GPR39: variants seen among roughly 807,000 people sequenced by gnomAD.
GPR39 encodes G protein-coupled receptor 39.
A neutral mutation model predicts 18.4 loss-of-function variants in GPR39; 23 were observed. The observed-to-expected ratio is 1.25, with a 90% CI of 0.90 to 1.77. GPR39 has a LOEUF of 1.77. Among genes scored for constraint, GPR39 ranks in the 40% most tolerant of loss-of-function variants. The pLI is 0.00. For synonymous variants in GPR39, 280 were observed against 257.9 expected (o/e 1.09, Z -0.82); for missense variants, 647 against 602.4 (o/e 1.07, Z -0.78).
intron 1 of GPR39, among the ~76,000 whole-genome samples, chr2:132,473,307 T>G (rs1016182328): frequency 2.0e-5 from 3 of 152,190 alleles, no homozygotes; most frequent in African/African-American, 4.8e-5. Context: ...GGCATTTATC[T>G]CCCACCTTCC....
chr2:132,422,886 G>T (rs530138932), intron 1 of GPR39, among the ~76,000 whole-genome samples: 62 of 151,960 alleles, frequency 4.1e-4, no homozygotes, highest in Non-Finnish European at 5.7e-4. Flanking sequence ...TTATTAGCAA[G>T]CCTGTTCATC....
intron 1 of GPR39, among the ~76,000 whole-genome samples, chr2:132,629,095 G>A (rs1573707456): frequency 6.6e-6 from 1 of 152,246 alleles, no homozygotes; most frequent in African/African-American, 2.4e-5. Flanking sequence ...GTCTTGGGCA[G>A]AGACATGGAG....
At chr2:132,527,788 T>A (rs1385064758) in intron 1 of GPR39, among the ~76,000 whole-genome samples, 2 of 152,178 alleles carry the variant, frequency 1.3e-5, no homozygotes, top group Non-Finnish European at 2.9e-5. Context: ...ATGGGGTTGT[T>A]TTTTTTCTTG....
chr2:132,465,511 T>G (rs1265661548), intron 1 of GPR39, among the ~76,000 whole-genome samples: 1 of 152,224 alleles, frequency 6.6e-6, no homozygotes, highest in Non-Finnish European at 1.5e-5. Context: ...TCACAGCCAT[T>G]ACTGTTTCCT....
chr2:132,623,338 G>C (rs535962383), intron 1 of GPR39, among the ~76,000 whole-genome samples: 1 of 152,176 alleles, frequency 6.6e-6, no homozygotes, highest in Non-Finnish European at 1.5e-5. Context: ...TGGACTCCAC[G>C]CTCCTGATAC....
intron 1 of GPR39, among the ~76,000 whole-genome samples, chr2:132,590,818 CGTGTGTGTGT>C (rs3066458): frequency 9.0e-5 from 13 of 143,900 alleles, no homozygotes; most frequent in Non-Finnish European, 1.2e-4. Context: ...AAGTATTGTT[CGTGTGTGTGT>C]GTGTGTGTGT....
At chr2:132,491,110 C>CA (rs1681452461) in intron 1 of GPR39, among the ~76,000 whole-genome samples, 1 of 152,036 alleles carries the variant, frequency 6.6e-6, no homozygotes, top group Non-Finnish European at 1.5e-5. Context: ...AGGATTTTTT[C>CA]AAAACAGCAA....
chr2:132,447,848 A>G (rs1000750908), intron 1 of GPR39, among the ~76,000 whole-genome samples: 3 of 152,186 alleles, frequency 2.0e-5, no homozygotes, highest in Non-Finnish European at 4.4e-5. Context: ...TGACTCTCCA[A>G]ATATCACCAG....
At chr2:132,432,088 A>T (rs1356956872) in intron 1 of GPR39, among the ~76,000 whole-genome samples, 1 of 152,088 alleles carries the variant, frequency 6.6e-6, no homozygotes, top group Non-Finnish European at 1.5e-5. Flanking sequence ...TCTTCAAGTC[A>T]TCTTCTTGTT....
intron 1 of GPR39, among the ~76,000 whole-genome samples, chr2:132,553,924 C>T (rs1558837470): frequency 1.3e-5 from 2 of 152,064 alleles, no homozygotes; most frequent in African/African-American, 4.8e-5. Context: ...ACATTGGCCA[C>T]AGAGGACATG....
intron 1 of GPR39, among the ~76,000 whole-genome samples, chr2:132,531,121 G>C (rs1054795615): frequency 5.9e-5 from 9 of 152,128 alleles, no homozygotes; most frequent in Non-Finnish European, 1.0e-4. Flanking sequence ...CTCACCTGCA[G>C]AGACACATAT....
chr2:132,454,263 CATT>C (rs1680680597), intron 1 of GPR39, among the ~76,000 whole-genome samples: 2 of 152,112 alleles, frequency 1.3e-5, no homozygotes, highest in South Asian at 4.1e-4. Flanking sequence ...GGAGTTCACT[CATT>C]ATTTGGCTCT....
At chr2:132,561,644 G>A (rs986167382) in intron 1 of GPR39, among the ~76,000 whole-genome samples, 1 of 151,848 alleles carries the variant, frequency 6.6e-6, no homozygotes, top group African/African-American at 2.4e-5. Flanking sequence ...CATGATGATG[G>A]AGGCTAAATG....
chr2:132,600,827 T>A (rs969510485), intron 1 of GPR39, among the ~76,000 whole-genome samples: 2 of 152,086 alleles, frequency 1.3e-5, no homozygotes, highest in African/African-American at 2.4e-5. Context: ...GGGGCACAAG[T>A]GGTTTTTGTT....
At chr2:132,558,994 T>C (rs2104802021) in intron 1 of GPR39, among the ~76,000 whole-genome samples, 1 of 152,332 alleles carries the variant, frequency 6.6e-6, no homozygotes, top group East Asian at 1.9e-4. Context: ...GCAAAGGACC[T>C]GATTTTCATA....
At chr2:132,537,524 A>T (rs1679780368) in intron 1 of GPR39, among the ~76,000 whole-genome samples, 3 of 132,456 alleles carry the variant, frequency 2.3e-5, no homozygotes, top group South Asian at 2.5e-4. Flanking sequence ...TTTCATTTCG[A>T]CCTTGGAGAA....
At chr2:132,600,504 A>G (rs1266821921) in intron 1 of GPR39, among the ~76,000 whole-genome samples, 3 of 152,190 alleles carry the variant, frequency 2.0e-5, no homozygotes, top group Non-Finnish European at 4.4e-5. Flanking sequence ...GAAGGACTCA[A>G]ACCAGAAATG....
At chr2:132,622,286 G>A (rs1681456301) in intron 1 of GPR39, among the ~76,000 whole-genome samples, 1 of 152,016 alleles carries the variant, frequency 6.6e-6, no homozygotes, top group Admixed American at 6.5e-5. Flanking sequence ...CCCACCTACT[G>A]TGGAGGCTGA....
chr2:132,579,071 C>T (rs568229391), intron 1 of GPR39, among the ~76,000 whole-genome samples: 1 of 151,158 alleles, frequency 6.6e-6, no homozygotes, highest in East Asian at 1.9e-4. Flanking sequence ...ATTTGAGACT[C>T]TTCCTCTTTT....
Sources: allele counts gnomAD v4.1 joint callset (sites outside exome capture counted in the v4.1 genomes callset), GRCh38; gene constraint gnomAD v4.1.1; transcripts MANE v1.5; gene names NCBI Gene and HGNC (gene_info 2026-07-23, HGNC 2026-07-21).